TOM1L2: variants seen among roughly 807,000 people sequenced by gnomAD.
The protein encoded by TOM1L2 is target of myb1 like 2 membrane trafficking protein, also known as TOM1-like protein 2.
In TOM1L2, 31 loss-of-function variants were observed where a neutral mutation model predicts 67.9. The observed-to-expected ratio is 0.46, with a 90% CI of 0.34 to 0.62. TOM1L2 has a LOEUF of 0.62. Ranked by LOEUF, TOM1L2 falls within the 20% of genes least tolerant of loss-of-function variation. TOM1L2 has a pLI of 0.01. For missense variants in TOM1L2, 606 were observed against 663.5 expected (o/e 0.91, Z 0.95); for synonymous variants, 256 against 254.0 (o/e 1.01, Z -0.07).
intron 1 of TOM1L2, among the ~76,000 whole-genome samples, chr17:17,960,490 C>T (rs1345073692): frequency 6.6e-6 from 1 of 152,198 alleles, no homozygotes; most frequent in Non-Finnish European, 1.5e-5. Context: ...GTGCATGCTA[C>T]CATGCCCAGC....
intron 12 of TOM1L2, among the ~76,000 whole-genome samples, chr17:17,857,393 T>G (rs1354808000): frequency 6.6e-6 from 1 of 152,200 alleles, no homozygotes; most frequent in Non-Finnish European, 1.5e-5. Flanking sequence ...GGTCAGATGC[T>G]TTGAGTCTGT....
At chr17:17,939,919 T>C (rs1363819771) in intron 1 of TOM1L2, among the ~76,000 whole-genome samples, 1 of 152,078 alleles carries the variant, frequency 6.6e-6, no homozygotes, top group Non-Finnish European at 1.5e-5. Flanking sequence ...GGGCCAGGTG[T>C]GGTGGCTCAT....
chr17:17,972,199 G>T, intron 1 of TOM1L2, 63 bp downstream of exon 1: 3 of 1,539,450 alleles, frequency 1.9e-6, no homozygotes, highest in Non-Finnish European at 1.8e-6. Context: ...GGAGGCCCGC[G>T]GTCCTCACCA....
intron 12 of TOM1L2, among the ~76,000 whole-genome samples, chr17:17,853,645 C>T (rs916062142): frequency 2.0e-5 from 3 of 152,218 alleles, no homozygotes; most frequent in African/African-American, 7.2e-5. Context: ...TGGCATCCTC[C>T]AGACCAAGCC....
intron 1 of TOM1L2, among the ~76,000 whole-genome samples, chr17:17,920,905 G>A (rs1179024015): frequency 6.6e-6 from 1 of 152,194 alleles, no homozygotes; most frequent in African/African-American, 2.4e-5. Flanking sequence ...AAAGTGCTGG[G>A]ATTACAGGTG....
At chr17:17,909,629 T>A (rs929711775) in intron 1 of TOM1L2, among the ~76,000 whole-genome samples, 10 of 152,138 alleles carry the variant, frequency 6.6e-5, no homozygotes, top group Admixed American at 1.3e-4. Context: ...TATTGTTTAA[T>A]GAACACAGAA....
chr17:17,940,512 A>G (rs59929025), intron 1 of TOM1L2, among the ~76,000 whole-genome samples: 3,765 of 152,256 alleles, frequency 0.025, 130 homozygotes, highest in African/African-American at 0.08. Context: ...CATAGCCAGG[A>G]GAGAGTCCTG....
At chr17:17,884,467 T>C (rs2037888206) in intron 5 of TOM1L2, among the ~76,000 whole-genome samples, 167 bp downstream of exon 5, 1 of 152,166 alleles carries the variant, frequency 6.6e-6, no homozygotes, top group Non-Finnish European at 1.5e-5. Context: ...CAACCAGCTG[T>C]CTCACTCCTG....
At chr17:17,913,186 G>A (rs913108802) in intron 1 of TOM1L2, among the ~76,000 whole-genome samples, 24 of 151,126 alleles carry the variant, frequency 1.6e-4, no homozygotes, top group Admixed American at 6.6e-4. Flanking sequence ...GGAAACAGAG[G>A]GAGAGGGAGA....
intron 4 of TOM1L2, among the ~76,000 whole-genome samples, chr17:17,887,650 A>G (rs1484479191): frequency 6.6e-6 from 1 of 151,994 alleles, no homozygotes; most frequent in Non-Finnish European, 1.5e-5. Context: ...TAATTTTTGT[A>G]TTTTTTGTAG....
Position 17,847,139 on chromosome 17 carries a change from A to G in TOM1L2, c.*496T>C. The G allele has an allele frequency of 6.1e-6, 1 of 163,240 alleles. No individual in the cohort carries two copies. Among genetic ancestry groups the G allele is most frequent in the South Asian group, 1.5e-4 (1 of 6,516 alleles). The allele number at this position is 163,240 out of a possible 1,614,324, so 10.1% of individuals were successfully genotyped here. Reference sequence around the variant, plus strand: ...ATGTCACAAGGTGACAAGTCCAAGGAGTGAGACCAGGCCCATGAGTGCAGC... The same window carrying G: ...ATGTCACAAGGTGACAAGTCCAAGGGGTGAGACCAGGCCCATGAGTGCAGC... On this transcript the variant is annotated 3_prime_UTR_variant, in exon 15 of 15. Transcript: ENST00000379504.
At chr17:17,966,745 G>T (rs796709401) in intron 1 of TOM1L2, among the ~76,000 whole-genome samples, 2 of 152,330 alleles carry the variant, frequency 1.3e-5, no homozygotes, top group African/African-American at 4.8e-5. Context: ...GTGATACAGG[G>T]ATGATAACAC....
intron 2 of TOM1L2, among the ~76,000 whole-genome samples, chr17:17,902,413 GCAGGCAGCA>G (rs2038897836): frequency 6.6e-6 from 1 of 152,202 alleles, no homozygotes; most frequent in Non-Finnish European, 1.5e-5. Context: ...TACAAGAAGT[GCAGGCAGCA>G]CTTCAGTGGC....
At chr17:17,893,945 G>C (rs2038424407) in intron 3 of TOM1L2, 135 bp from the exon 4 acceptor site, 3 of 811,228 alleles carry the variant, frequency 3.7e-6, no homozygotes, top group Non-Finnish European at 3.8e-6. Flanking sequence ...GTCTCCTCCA[G>C]AGCCAAACCT....
At chr17:17,884,314 C>T (rs920009005) in intron 5 of TOM1L2, among the ~76,000 whole-genome samples, 8 of 152,206 alleles carry the variant, frequency 5.3e-5, no homozygotes, top group African/African-American at 1.7e-4. Context: ...AGGATTCCCA[C>T]ACCAGATTCT....
intron 1 of TOM1L2, among the ~76,000 whole-genome samples, chr17:17,927,660 A>C (rs970306311): frequency 6.6e-6 from 1 of 150,634 alleles, no homozygotes; most frequent in Non-Finnish European, 1.5e-5. Flanking sequence ...GCTGTTGGCT[A>C]TACTTTTTTT....
intron 10 of TOM1L2, among the ~76,000 whole-genome samples, chr17:17,863,122 C>A (rs73299873): frequency 0.027 from 4,047 of 152,246 alleles, 167 homozygotes; most frequent in African/African-American, 0.081. Flanking sequence ...CAGGGACTGG[C>A]GCCAGTGCAC....
chr17:17,899,792 G>A (rs2038755259), intron 2 of TOM1L2, among the ~76,000 whole-genome samples: 1 of 152,234 alleles, frequency 6.6e-6, no homozygotes, highest in Admixed American at 6.5e-5. Flanking sequence ...CGTTTGTTAA[G>A]TCAGGGATCT....
chr17:17,915,335 T>C (rs963142587), intron 1 of TOM1L2, among the ~76,000 whole-genome samples: 7 of 152,160 alleles, frequency 4.6e-5, no homozygotes, highest in African/African-American at 1.7e-4. Context: ...GGATCAAATA[T>C]TGGTACCACC....
Sources: allele counts gnomAD v4.1 joint callset (sites outside exome capture counted in the v4.1 genomes callset), GRCh38; gene constraint gnomAD v4.1.1; transcripts MANE v1.5; gene names NCBI Gene and HGNC (gene_info 2026-07-23, HGNC 2026-07-21).